The following PRKN variants were observed in gnomAD, a reference collection of about 807,000 sequenced individuals.
PRKN encodes the protein E3 ubiquitin-protein ligase parkin.
In PRKN, 56 loss-of-function variants were observed where a neutral mutation model predicts 59.5. The ratio of observed to expected loss-of-function variants is 0.94; its 90% confidence interval spans 0.76 to 1.18. The LOEUF is 1.18. Among genes scored for constraint, PRKN ranks in the 50% most tolerant of loss-of-function variants. The pLI is 0.00. For synonymous variants in PRKN, 250 were observed against 222.1 expected (o/e 1.13, Z -1.12); for missense variants, 657 against 596.4 (o/e 1.10, Z -1.06).
At chr6:162,447,036 C>G (rs1790347939) in intron 1 of PRKN, among the ~76,000 whole-genome samples, 1 of 152,124 alleles carries the variant, frequency 6.6e-6, no homozygotes, top group African/African-American at 2.4e-5. Context: ...TCTAATAAAT[C>G]GGTATAAGGG....
intron 2 of PRKN, among the ~76,000 whole-genome samples, chr6:162,302,059 A>G (rs1781985495): frequency 6.6e-6 from 1 of 152,136 alleles, no homozygotes; most frequent in African/African-American, 2.4e-5. Context: ...TTTGGTTTGA[A>G]CTACTTTTCA....
At chr6:161,506,007 G>A (rs1241772535) in intron 9 of PRKN, among the ~76,000 whole-genome samples, 26 of 151,968 alleles carry the variant, frequency 1.7e-4, no homozygotes, top group Admixed American at 7.2e-4. Flanking sequence ...TTGGCGATGC[G>A]GGTTCTTTTT....
At chr6:162,458,127 A>G (rs1271940159) in intron 1 of PRKN, among the ~76,000 whole-genome samples, 4 of 150,238 alleles carry the variant, frequency 2.7e-5, no homozygotes, top group Admixed American at 6.7e-5. Flanking sequence ...GGTGGCACAC[A>G]CCTGTAATCC....
At chr6:161,828,085 T>G (rs1247566462) in intron 6 of PRKN, among the ~76,000 whole-genome samples, 1 of 152,218 alleles carries the variant, frequency 6.6e-6, no homozygotes, top group Non-Finnish European at 1.5e-5. Context: ...CTCTGTGTTT[T>G]GAAAATAAGA....
At chr6:162,224,893 A>G (rs2128082928) in intron 3 of PRKN, among the ~76,000 whole-genome samples, 1 of 152,310 alleles carries the variant, frequency 6.6e-6, no homozygotes, top group African/African-American at 2.4e-5. Context: ...AATTTTATAA[A>G]AAACCATACT....
intron 5 of PRKN, among the ~76,000 whole-genome samples, chr6:162,044,587 G>C (rs1193315065): frequency 1.3e-5 from 2 of 152,214 alleles, no homozygotes; most frequent in African/African-American, 4.8e-5. Flanking sequence ...GGACTGGATA[G>C]AGCTCCATCA....
chr6:161,738,587 C>T (rs1015896342), intron 7 of PRKN, among the ~76,000 whole-genome samples: 1 of 152,206 alleles, frequency 6.6e-6, no homozygotes, highest in Non-Finnish European at 1.5e-5. Context: ...AGCTCCCACA[C>T]ACGCAGATGC....
chr6:162,151,645 C>T lies in PRKN; in HGVS notation c.534+49486G>A, dbSNP rs117275273. On this transcript the variant is annotated intron_variant, in intron 4 of 11. Transcript: ENST00000366898. Reference sequence around the variant, plus strand: ...TACAAGAAAATTTTCCTTTTCCAAACACACAGTCTTCCAGAAAAAAATCTA... The same window carrying T: ...TACAAGAAAATTTTCCTTTTCCAAATACACAGTCTTCCAGAAAAAAATCTA... Among the ~76,000 whole-genome samples, 584 of 152,260 alleles carry T rather than the reference C, an allele frequency of 3.8e-3. 4 individuals are homozygous for T. Among genetic ancestry groups the T allele is most frequent in the Middle Eastern group, 0.014 (4 of 294 alleles).
At chr6:161,897,738 T>C (rs1399221152) in intron 6 of PRKN, among the ~76,000 whole-genome samples, 2 of 150,742 alleles carry the variant, frequency 1.3e-5, no homozygotes, top group Admixed American at 1.3e-4. Flanking sequence ...TCCCAGCACT[T>C]TGGGAGGCTG....
rs73591702 is a variant in PRKN at position 161,529,604 on chromosome 6, G to A, written c.1083+19250C>T. ...AACATCTAAACCTCCATATTTGGAC[G>A]AAGTATAGTCTACTCATAGGATTAC... On this transcript the variant is annotated intron_variant, in intron 9 of 11. Coordinates refer to ENST00000366898, the MANE Select transcript of PRKN (RefSeq NM_004562.3). This position sits in a 1 kb window ranked among gnomAD's most constrained non-coding sequence, Gnocchi z 4.4. Among the ~76,000 whole-genome samples, 849 of 152,280 alleles carry A rather than the reference G, an allele frequency of 5.6e-3. 8 individuals carry two copies. The highest frequency in any genetic ancestry group is 0.019 in the African/African-American group (808 of 41,554).
chr6:162,109,602 T>C (rs1780336281), intron 4 of PRKN, among the ~76,000 whole-genome samples: 1 of 152,146 alleles, frequency 6.6e-6, no homozygotes, highest in Non-Finnish European at 1.5e-5. Flanking sequence ...TGTTTGTTTA[T>C]GTGTTTGCAG....
At chr6:162,338,203 C>T (rs1329713605) in intron 2 of PRKN, among the ~76,000 whole-genome samples, 1 of 152,108 alleles carries the variant, frequency 6.6e-6, no homozygotes, top group Non-Finnish European at 1.5e-5. Context: ...GATGATAAGG[C>T]TAATAGGTAA....
At position 161,377,212 on chromosome 6, in the gene PRKN, C is replaced by T. The variant is rs186861408; in HGVS notation, c.1167+9582G>A. On this transcript the variant is annotated intron_variant, in intron 10 of 11. Transcript: ENST00000366898. The surrounding 1 kb of genome is among the most constrained non-coding windows in gnomAD (Gnocchi z 4.2). ...ACCATTTGAAAGAGAGCCCCTGGCA[C>T]GCTACCGAGCCCTGTGGAGTTGGAG... Among the ~76,000 whole-genome samples the T allele has an allele frequency of 1.2e-4, 19 of 152,330 alleles. No individual in the cohort carries two copies. The East Asian group carries it at 1.9e-3, about 16-fold the overall frequency.
chr6:162,285,207 T>C (rs2128107514), intron 2 of PRKN, among the ~76,000 whole-genome samples: 1 of 151,240 alleles, frequency 6.6e-6, no homozygotes, highest in East Asian at 2.0e-4. Flanking sequence ...ATTTTACTGG[T>C]CCCTCTCGAA....
intron 5 of PRKN, among the ~76,000 whole-genome samples, chr6:161,991,334 G>A (rs139062821): frequency 5.3e-5 from 8 of 152,170 alleles, no homozygotes; most frequent in South Asian, 4.2e-4. Flanking sequence ...ACACACAAAG[G>A]AGAAATGAAG....
At chr6:162,392,338 CT>C (rs1787244592) in intron 2 of PRKN, among the ~76,000 whole-genome samples, 1 of 152,056 alleles carries the variant, frequency 6.6e-6, no homozygotes, top group Admixed American at 6.5e-5. Context: ...GTTTTTGGTT[CT>C]TTTTCTCCTA....
At chr6:161,984,594 T>C (rs1199090096) in intron 5 of PRKN, among the ~76,000 whole-genome samples, 9 of 152,172 alleles carry the variant, frequency 5.9e-5, no homozygotes, top group Admixed American at 5.9e-4. Context: ...CCATAGGCAC[T>C]TCCAAGACTG....
At chr6:161,469,126 C>T (rs1422634910) in intron 9 of PRKN, among the ~76,000 whole-genome samples, 2 of 152,170 alleles carry the variant, frequency 1.3e-5, no homozygotes, top group Non-Finnish European at 2.9e-5. Flanking sequence ...GTGTCCCCAT[C>T]CAAATGTCAC....
chr6:162,073,304 A>C (rs1778663824), intron 4 of PRKN, among the ~76,000 whole-genome samples: 2 of 152,224 alleles, frequency 1.3e-5, no homozygotes, highest in African/African-American at 4.8e-5. Context: ...TGTTGGCCTC[A>C]GCGTTAACCA....
Sources: gnomAD v4.1 joint callset for allele counts (sites outside exome capture counted in the v4.1 genomes callset) on GRCh38, gnomAD v4.1.1 for gene constraint, Gnocchi (gnomAD v3.1) non-coding constraint, MANE v1.5 for transcripts, NCBI Gene and HGNC (gene_info 2026-07-23, HGNC 2026-07-21) for gene names.